The following COL10A1 variants were observed in gnomAD, a reference collection of about 807,000 sequenced individuals.
COL10A1 encodes the protein collagen type X alpha 1 chain.
Under a neutral mutation model 18.2 loss-of-function variants are expected in COL10A1, and 10 were observed. The ratio of observed to expected loss-of-function variants is 0.55; its 90% confidence interval spans 0.34 to 0.93. The LOEUF (loss-of-function observed/expected upper bound fraction) is 0.93, where lower values mean the gene tolerates loss of function less well. COL10A1 is among the 40% of genes least tolerant of loss of function. The probability of loss-of-function intolerance (pLI) is 0.02; values close to 1 mark genes in which losing one functional copy is unlikely to be tolerated. For missense variants in COL10A1, 897 were observed against 853.5 expected (o/e 1.05, Z -0.64); for synonymous variants, 330 against 316.6 (o/e 1.04, Z -0.45).
At chr6:116,187,837 T>C in the COL10A1 span, among the ~76,000 whole-genome samples, 2 of 152,068 alleles carry the variant, frequency 1.3e-5, no homozygotes, top group African/African-American at 4.8e-5. Flanking sequence ...ACAGTATTGA[T>C]TGATTGTAAA....
At chr6:116,182,998 A>T in the COL10A1 span, among the ~76,000 whole-genome samples, 1 of 152,072 alleles carries the variant, frequency 6.6e-6, no homozygotes, top group Non-Finnish European at 1.5e-5. Context: ...TAGAATTGTT[A>T]TGGTTTTGGG....
intron 1 of COL10A1, among the ~76,000 whole-genome samples, chr6:116,136,743 A>G (rs966544335): frequency 6.6e-6 from 1 of 152,202 alleles, no homozygotes. Flanking sequence ...AAGTGTTATC[A>G]CAGATAACAA....
rs181629773 is a variant in COL10A1, at chr6:116,144,280, A to T, written c.-16+14334T>A. Among the ~76,000 whole-genome samples the T allele has an allele frequency of 2.6e-3, 396 of 152,254 alleles. 10 individuals carry two copies. The South Asian group carries it at 0.043, about 17-fold the overall frequency. The stretch of plus-strand genomic sequence containing the variant: ...CACTTTGGGAGGCCGAGGCGGGCGG[A>T]TCATGAAGTCAGGAGATCAAGACCA... On this transcript the variant is annotated intron_variant, in intron 1 of 1. Transcript: ENST00000418500.
intron 1 of COL10A1, among the ~76,000 whole-genome samples, chr6:116,133,955 T>A (rs1779528868): frequency 6.6e-6 from 1 of 152,236 alleles, no homozygotes; most frequent in Non-Finnish European, 1.5e-5. Context: ...TTATTAGTGC[T>A]GAAATTCTTA....
chr6:116,151,988 A>G (rs954868067), intron 1 of COL10A1, among the ~76,000 whole-genome samples: 12 of 152,332 alleles, frequency 7.9e-5, no homozygotes, highest in South Asian at 6.2e-4. Flanking sequence ...TATTTTACTA[A>G]GCTAATGACT....
chr6:116,176,662 C>G, the COL10A1 span, among the ~76,000 whole-genome samples: 1 of 152,256 alleles, frequency 6.6e-6, no homozygotes, highest in African/African-American at 2.4e-5. Context: ...CCACCTTTTT[C>G]CCAACCACAT....
the COL10A1 span, among the ~76,000 whole-genome samples, chr6:116,176,023 A>G: frequency 6.6e-6 from 1 of 152,166 alleles, no homozygotes; most frequent in Non-Finnish European, 1.5e-5. Context: ...TTGTGTGAAC[A>G]TTAGGCACTG....
the COL10A1 span, among the ~76,000 whole-genome samples, chr6:116,204,659 A>G: frequency 6.6e-6 from 1 of 152,026 alleles, no homozygotes; most frequent in East Asian, 1.9e-4. Context: ...GGACTCAGAT[A>G]CAATGTTGTT....
At chr6:116,126,662 C>G (rs769072906), upstream of COL10A1, among the ~76,000 whole-genome samples, 3 of 152,016 alleles carry the variant, frequency 2.0e-5, no homozygotes, top group Non-Finnish European at 1.5e-5. Context: ...GATTTAGATC[C>G]CTTATTCACA....
At chr6:116,196,102 A>T in the COL10A1 span, among the ~76,000 whole-genome samples, 23 of 152,072 alleles carry the variant, frequency 1.5e-4, no homozygotes, top group East Asian at 1.6e-3. Context: ...TTATTTCCTG[A>T]CATCATGCTA....
In COL10A1 at chr6:116,120,894, G is replaced by T; in HGVS notation, c.1222C>A (p.Pro408Thr). The T allele has an allele frequency of 6.2e-7, 1 of 1,613,960 alleles. No homozygotes were observed. Among genetic ancestry groups the T allele is most frequent in the Non-Finnish European group, 8.5e-7 (1 of 1,179,940 alleles). The change falls in exon 3 of 3, where the codon CCA becomes ACA. Residue 408 changes from proline to threonine, a missense_variant. By Grantham distance (38) the Pro-to-Thr change is conservative. Transcript: ENST00000651968. ...GPKGNPGLPG[P>T]KGDPGVGGPP... ...CCTCCAACTCCAGGATCACCTTTTG[G>T]ACCTGGTAACCCTGGGTTACCCTTA...
At chr6:116,163,633 A>G (rs549703741), upstream of COL10A1, among the ~76,000 whole-genome samples, 2 of 151,664 alleles carry the variant, frequency 1.3e-5, no homozygotes, top group East Asian at 1.9e-4. Flanking sequence ...TTCTGCTCTG[A>G]TCTTTATTTC....
the COL10A1 span, among the ~76,000 whole-genome samples, chr6:116,202,292 C>T: frequency 1.6e-3 from 237 of 152,064 alleles, 3 homozygotes; most frequent in African/African-American, 5.4e-3. Flanking sequence ...TTATGCTTAG[C>T]ATGGTTGGAA....
chr6:116,157,701 A>G (rs1780231247), intron 1 of COL10A1, among the ~76,000 whole-genome samples: 1 of 152,170 alleles, frequency 6.6e-6, no homozygotes, highest in Admixed American at 6.5e-5. Context: ...GAATAAAAAC[A>G]GTTGAACTAA....
chr6:116,147,138 T>C (rs1779918906), intron 1 of COL10A1, among the ~76,000 whole-genome samples: 1 of 151,456 alleles, frequency 6.6e-6, no homozygotes, highest in Non-Finnish European at 1.5e-5. Flanking sequence ...CAAGTAAAGT[T>C]AAAGATAAAT....
chr6:116,174,942 C>G, the COL10A1 span, among the ~76,000 whole-genome samples: 1 of 152,002 alleles, frequency 6.6e-6, no homozygotes, highest in Non-Finnish European at 1.5e-5. Flanking sequence ...TATAATAAAC[C>G]ATTTTGTCTC....
At chr6:116,208,461 C>T in the COL10A1 span, among the ~76,000 whole-genome samples, 2 of 152,032 alleles carry the variant, frequency 1.3e-5, no homozygotes, top group Non-Finnish European at 2.9e-5. Context: ...CCAGGTTTTA[C>T]CTGGAGGCAT....
chr6:116,198,299 A>G, the COL10A1 span, among the ~76,000 whole-genome samples: 2 of 152,066 alleles, frequency 1.3e-5, no homozygotes, highest in Non-Finnish European at 2.9e-5. Flanking sequence ...AAAACAGTCA[A>G]TGTGGCCAGT....
the COL10A1 span, among the ~76,000 whole-genome samples, chr6:116,203,331 T>A: frequency 6.6e-6 from 1 of 151,982 alleles, no homozygotes; most frequent in Non-Finnish European, 1.5e-5. Context: ...GTGAACATAT[T>A]TTCAGCTAAT....
Sources: gnomAD v4.1 joint callset for allele counts (sites outside exome capture counted in the v4.1 genomes callset) on GRCh38, gnomAD v4.1.1 for gene constraint, MANE v1.5 for transcripts, NCBI Gene and HGNC (gene_info 2026-07-23, HGNC 2026-07-21) for gene names.